The following PTPRM variants were observed in gnomAD, a reference collection of about 807,000 sequenced individuals.
The protein encoded by PTPRM is protein tyrosine phosphatase receptor type M, also known as receptor-type tyrosine-protein phosphatase mu.
Under a neutral mutation model 186.7 loss-of-function variants are expected in PTPRM, and 47 were observed. The observed-to-expected ratio is 0.25, with a 90% CI of 0.20 to 0.32. The LOEUF (loss-of-function observed/expected upper bound fraction) is 0.32. Among genes scored for constraint, PTPRM ranks in the 10% least tolerant of loss-of-function variants. The pLI is 1.00. For synonymous variants in PTPRM, 668 were observed against 674.9 expected (o/e 0.99, Z 0.16); for missense variants, 1,494 against 1,865.0 (o/e 0.80, Z 3.66).
intron 19 of PTPRM, among the ~76,000 whole-genome samples, chr18:8,267,313 G>T (rs982577429): frequency 6.6e-6 from 1 of 151,668 alleles, no homozygotes; most frequent in South Asian, 2.1e-4. Flanking sequence ...CCATTTTAAT[G>T]ATGAAAAATA....
intron 1 of PTPRM, among the ~76,000 whole-genome samples, chr18:7,772,513 T>TC (rs2042377164): frequency 7.4e-6 from 1 of 135,094 alleles, no homozygotes; most frequent in East Asian, 2.5e-4. Flanking sequence ...TTCTTTTTTT[T>TC]CTATTTTTTC....
intron 11 of PTPRM, among the ~76,000 whole-genome samples, chr18:8,096,575 A>G (rs1468931291): frequency 1.3e-5 from 2 of 152,232 alleles, no homozygotes; most frequent in Non-Finnish European, 2.9e-5. Flanking sequence ...AGTGGAATAA[A>G]TTAGAAATAG....
chr18:8,122,138 G>A (rs1040367520), intron 13 of PTPRM: 2 of 151,924 alleles, frequency 1.3e-5, no homozygotes, highest in South Asian at 2.1e-4. Flanking sequence ...GAACAAAGTT[G>A]AGACAATTTG....
intron 1 of PTPRM, among the ~76,000 whole-genome samples, chr18:7,704,023 C>T (rs369356806): frequency 2.0e-5 from 3 of 152,088 alleles, no homozygotes; most frequent in Non-Finnish European, 2.9e-5. Flanking sequence ...GGGATGAAGT[C>T]GACTTTATCG....
chr18:8,063,429 G>A (rs545616492), intron 7 of PTPRM, among the ~76,000 whole-genome samples: 1 of 152,278 alleles, frequency 6.6e-6, no homozygotes, highest in East Asian at 1.9e-4. Flanking sequence ...CACGCTGGGA[G>A]CTGTAGACCG....
chr18:8,157,897 T>C (rs1021760404), intron 14 of PTPRM, among the ~76,000 whole-genome samples: 4 of 152,180 alleles, frequency 2.6e-5, no homozygotes, highest in Non-Finnish European at 5.9e-5. Flanking sequence ...AAGGACAGCA[T>C]CACTGTCTTC....
chr18:7,821,979 A>G (rs80070991), intron 2 of PTPRM, among the ~76,000 whole-genome samples: 1,761 of 152,316 alleles, frequency 0.012, 28 homozygotes, highest in African/African-American at 0.04. Flanking sequence ...TGGGTAACTG[A>G]CACCATGGAA....
intron 2 of PTPRM, among the ~76,000 whole-genome samples, chr18:7,786,289 G>T (rs533562031): frequency 1.3e-5 from 2 of 152,298 alleles, no homozygotes; most frequent in African/African-American, 4.8e-5. Context: ...TGCAGCATTA[G>T]TAAGTGTCTA....
At position 8,039,495 on chromosome 18, in the gene PTPRM, G is replaced by A. The variant is rs142125310; in HGVS notation, c.1133-30191G>A. Among the ~76,000 whole-genome samples, 547 of 152,158 alleles carry A rather than the reference G, an allele frequency of 3.6e-3. 1 individual carries two copies. Among genetic ancestry groups the A allele is most frequent in the African/African-American group, 0.012 (512 of 41,524 alleles). On this transcript the variant is annotated intron_variant, in intron 7 of 32. Transcript: ENST00000580170. ...AGGGATTATCTTTATTATTTAAAAT[G>A]TGGTATTTGATACCTGCTAAGTTCC...
chr18:8,189,693 AG>A (rs2093686307), intron 14 of PTPRM, among the ~76,000 whole-genome samples: 1 of 152,180 alleles, frequency 6.6e-6, no homozygotes, highest in Non-Finnish European at 1.5e-5. Flanking sequence ...CACTGCCCAC[AG>A]GTCTCCCTCC....
At chr18:7,665,763 A>G (rs1314930303) in intron 1 of PTPRM, among the ~76,000 whole-genome samples, 1 of 152,070 alleles carries the variant, frequency 6.6e-6, no homozygotes, top group Non-Finnish European at 1.5e-5. Context: ...CTCTACTAAA[A>G]ATACAAAAAT....
At chr18:8,114,238 A>G (rs2091872610) in intron 12 of PTPRM, among the ~76,000 whole-genome samples, 1 of 152,142 alleles carries the variant, frequency 6.6e-6, no homozygotes, top group Non-Finnish European at 1.5e-5. Context: ...AAGAGAAAAT[A>G]GAAAAATGAG....
chr18:8,295,736 G>A (rs2095090162), intron 19 of PTPRM, among the ~76,000 whole-genome samples: 1 of 152,150 alleles, frequency 6.6e-6, no homozygotes, highest in Admixed American at 6.5e-5. Flanking sequence ...TCCACTGAGA[G>A]TAGGGGACAT....
At chr18:8,392,948 A>G (rs1326224781) in intron 31 of PTPRM, among the ~76,000 whole-genome samples, 1 of 152,258 alleles carries the variant, frequency 6.6e-6, no homozygotes, top group African/African-American at 2.4e-5. Flanking sequence ...GCTCTTTCTT[A>G]GTGTAGAATG....
At chr18:8,335,895 G>A (rs1331780086) in intron 22 of PTPRM, among the ~76,000 whole-genome samples, 1 of 152,098 alleles carries the variant, frequency 6.6e-6, no homozygotes, top group Non-Finnish European at 1.5e-5. Flanking sequence ...GGTAGCGCAC[G>A]CCTGTAGTCC....
rs1555673211 is a variant in PTPRM at position 7,772,244 on chromosome 18, T to TTTTC, written c.74-1902_74-1901insCTTT. Among the ~76,000 whole-genome samples the TTTTC allele has an allele frequency of 2.6e-3, 363 of 140,158 alleles. 2 individuals carry two copies. The highest frequency in any genetic ancestry group is 4.2e-3 in the Non-Finnish European group (274 of 65,482). 91.9% of individuals were successfully genotyped at this position (140,158 alleles called of 152,430 possible). A position where few individuals can be genotyped will look rare whatever the true frequency, so the allele number is the denominator to read the frequency against. ...CTTTCCTGTGCAAAAGCTAAGATCT[T>TTTTC]TTTTCTTTTCTTTTCTTTTCTTTTC... On this transcript the variant is annotated intron_variant, in intron 1 of 32. Coordinates refer to ENST00000580170, the MANE Select transcript of PTPRM (RefSeq NM_001105244.2).
chr18:7,603,626 C>T (rs953161505), intron 1 of PTPRM, among the ~76,000 whole-genome samples: 2 of 152,248 alleles, frequency 1.3e-5, no homozygotes, highest in Non-Finnish European at 2.9e-5. Flanking sequence ...TGTCTGAAGC[C>T]TGCTGATTCT....
intron 4 of PTPRM, among the ~76,000 whole-genome samples, chr18:7,925,631 T>C (rs2051126813): frequency 6.6e-6 from 1 of 152,110 alleles, no homozygotes. Flanking sequence ...TTATCCAGAT[T>C]TATCTGTCTC....
chr18:7,753,869 A>G (rs2041342485), intron 1 of PTPRM, among the ~76,000 whole-genome samples: 1 of 151,492 alleles, frequency 6.6e-6, no homozygotes, highest in African/African-American at 2.4e-5. Context: ...CTGTCTACAC[A>G]TTATTTCATT....
Sources: allele counts gnomAD v4.1 joint callset (sites outside exome capture counted in the v4.1 genomes callset), GRCh38; gene constraint gnomAD v4.1.1; transcripts MANE v1.5; gene names NCBI Gene and HGNC (gene_info 2026-07-23, HGNC 2026-07-21).